The following LIMA1 variants were observed in gnomAD, a reference collection of about 807,000 sequenced individuals.
The protein encoded by LIMA1 is LIM domain and actin-binding protein 1.
In LIMA1, 52 loss-of-function variants were observed where a neutral mutation model predicts 62.6. The ratio of observed to expected loss-of-function variants is 0.83; its 90% CI spans 0.67 to 1.05. LIMA1 has a LOEUF of 1.05. Among genes scored for constraint, LIMA1 ranks in the 50% least tolerant of loss-of-function variants. The probability of loss-of-function intolerance (pLI) is 0.00; values close to 1 mark genes in which losing one functional copy is unlikely to be tolerated. For missense variants in LIMA1, 780 were observed against 902.2 expected (o/e 0.86, Z 1.74); for synonymous variants, 302 against 317.8 (o/e 0.95, Z 0.53).
intron 9 of LIMA1, among the ~76,000 whole-genome samples, chr12:50,183,134 A>G (rs4883482): frequency 0.72 from 108,619 of 151,888 alleles, 40,098 homozygotes; most frequent in East Asian, 0.92. Flanking sequence ...CCCGGGAGGC[A>G]GAGCTTGTAG....
At chr12:50,277,133 C>T (rs1260934081) in intron 1 of LIMA1, among the ~76,000 whole-genome samples, 1 of 152,102 alleles carries the variant, frequency 6.6e-6, no homozygotes, top group Admixed American at 6.6e-5. Flanking sequence ...CACAGGTCAG[C>T]AGGGCTTCTG....
At chr12:50,207,442 TTTA>T (rs1298640592) in intron 4 of LIMA1, among the ~76,000 whole-genome samples, 1 of 152,198 alleles carries the variant, frequency 6.6e-6, no homozygotes, top group African/African-American at 2.4e-5. Flanking sequence ...CAAATCTCAG[TTTA>T]TTTCCAGACA....
chr12:50,186,185 A>G (rs1299215340), intron 9 of LIMA1: 1 of 152,214 alleles, frequency 6.6e-6, no homozygotes, highest in Admixed American at 6.5e-5. Context: ...TGGCATGCTC[A>G]GACTTGGCAC....
At chr12:50,197,252 G>A (rs1940949968) in intron 7 of LIMA1, among the ~76,000 whole-genome samples, 1 of 151,926 alleles carries the variant, frequency 6.6e-6, no homozygotes, top group African/African-American at 2.4e-5. Context: ...TGTATTTTTA[G>A]TAGAGCAGGG....
At position 50,177,677 on chromosome 12, in the gene LIMA1, CA is replaced by C. The variant is rs760930378; in HGVS notation, c.1666del (p.Trp556GlyfsTer18). The C allele has an allele frequency of 1.2e-6, 2 of 1,609,454 alleles. No individual in the cohort carries two copies. The highest frequency in any genetic ancestry group is 4.5e-5 in the East Asian group (2 of 44,868). On this transcript the variant is annotated frameshift_variant, in exon 11 of 11. Transcript: ENST00000341247. LOFTEE classifies it low-confidence loss of function (END_TRUNC). Reference sequence around the variant, plus strand: ...CTTGCTGATTTCGTCTTCAGGAGGCCATTTGGGCTTTGACATTTTGATCCCT... The same window carrying C: ...CTTGCTGATTTCGTCTTCAGGAGGCCTTTGGGCTTTGACATTTTGATCCCT... ...EEGIKMSKPK[W>X]PPEDEISKPE...
intron 1 of LIMA1, among the ~76,000 whole-genome samples, chr12:50,280,448 G>A (rs1255367632): frequency 1.3e-5 from 2 of 151,898 alleles, no homozygotes; most frequent in African/African-American, 2.4e-5. Context: ...GTGAGCCACC[G>A]CGCCCGGCCC....
chr12:50,204,567 G>C lies in LIMA1; in HGVS notation c.849C>G (p.Ser283Arg). 2 of 1,614,044 alleles carry C rather than the reference G, an allele frequency of 1.2e-6. No individual in the cohort carries two copies. Among genetic ancestry groups the C allele is most frequent in the Non-Finnish European group, 1.7e-6 (2 of 1,180,004 alleles). The change falls in exon 6 of 11, where the codon AGC (serine) becomes AGG (arginine). Residue 283 changes from serine to arginine, a missense_variant. By Grantham distance (110) the Ser-to-Arg change is moderately radical. Transcript: ENST00000341247. Reference protein sequence around the residue: ...KYQAAVSKQSSSTNYTNELKA... With the variant: ...KYQAAVSKQSRSTNYTNELKA... ...GAACACATACTGTATAGTTGGTTGA[G>C]CTGCTTTGTTTGGACACAGCTGCCT...
In LIMA1 at chr12:50,222,479, C is replaced by T. The variant is rs563329332; in HGVS notation, c.172G>A (p.Glu58Lys). The T allele has an allele frequency of 4.6e-5, 75 of 1,613,748 alleles. 1 individual carries two copies. Among genetic ancestry groups the T allele is most frequent in the South Asian group, 1.9e-4 (17 of 91,058 alleles). ...TNMEKKRSNT[E>K]NLSQHFRKGT... is the part of the protein sequence containing the mutation. ...TTTCTAAAGTGCTGGGAGAGATTTT[C>T]GGTGTTCTAGAAGAACAAGAAGTAG... is the stretch of plus-strand genomic sequence containing the variant. Residue 58 changes from glutamate to lysine, a missense_variant, in exon 4 of 11, where the codon GAA becomes AAA. By Grantham distance (56) the Glu-to-Lys change is moderately conservative. Coordinates refer to ENST00000341247, the MANE Select transcript of LIMA1 (RefSeq NM_016357.5).
At chr12:50,187,220 A>G (rs1202918875) in intron 9 of LIMA1, 1 of 151,992 alleles carries the variant, frequency 6.6e-6, no homozygotes, top group East Asian at 1.9e-4. Context: ...TATATTTTTT[A>G]CTCTAATAAA....
At chr12:50,185,620 G>A (rs1182869059) in intron 9 of LIMA1, 4 of 389,042 alleles carry the variant, frequency 1.0e-5, no homozygotes, top group South Asian at 3.9e-5. Context: ...AGCCTCACTC[G>A]TATCTACCTG....
In LIMA1 at chr12:50,178,966, A is replaced by ATATTTTTT. The variant is rs56674261; in HGVS notation, c.1275-898_1275-897insAAAAAATA. Among the ~76,000 whole-genome samples, 403 of 128,942 alleles carry ATATTTTTT rather than the reference A, an allele frequency of 3.1e-3. 4 individuals carry two copies. The highest frequency in any genetic ancestry group is 7.6e-3 in the Admixed American group (99 of 13,094). 84.6% of individuals were successfully genotyped at this position (128,942 alleles called of 152,430 possible). On this transcript the variant is annotated intron_variant, in intron 10 of 10. Transcript: ENST00000341247. ...TATATAAATACATATATATATATATATTTTTTTTTTCTTTTTCTTTTCTTT... is the reference window on the plus strand; with the variant it reads ...TATATAAATACATATATATATATATATATTTTTTTTTTTTTTTTCTTTTTCTTTTCTTT...
intron 8 of LIMA1, among the ~76,000 whole-genome samples, chr12:50,193,461 C>T (rs1163550359): frequency 7.3e-6 from 1 of 137,326 alleles, no homozygotes; most frequent in Non-Finnish European, 1.5e-5. Flanking sequence ...TGTCTTGTGA[C>T]CTACAAGAAA....
intron 1 of LIMA1, among the ~76,000 whole-genome samples, chr12:50,252,612 G>C (rs1941945381): frequency 6.6e-6 from 1 of 151,138 alleles, no homozygotes; most frequent in African/African-American, 2.4e-5. Flanking sequence ...AGACATAATG[G>C]GGCCTGACTG....
At position 50,242,117 on chromosome 12, in the gene LIMA1, A is replaced by G. The variant is rs182741400; in HGVS notation, c.119+6516T>C. On this transcript the variant is annotated intron_variant, in intron 2 of 10. Coordinates refer to ENST00000341247, the MANE Select transcript of LIMA1 (RefSeq NM_016357.5). ...GTCTCAAATTTTTCTAGGGCCAGAA[A>G]ACAGAGTTCCTGAGCCATGACTCTT... Among the ~76,000 whole-genome samples, 19 of 151,746 alleles carry G rather than the reference A, an allele frequency of 1.3e-4. No homozygotes were observed. The East Asian group carries it at 3.3e-3, about 26-fold the overall frequency.
intron 6 of LIMA1, among the ~76,000 whole-genome samples, chr12:50,203,009 T>C (rs1941082346): frequency 1.8e-5 from 1 of 56,816 alleles, no homozygotes; most frequent in African/African-American, 9.9e-5. Flanking sequence ...GGTAACTTCC[T>C]TTTTTTTTTT....
chr12:50,210,418 CAAAAAAAAAA>C (rs769288381), intron 4 of LIMA1, among the ~76,000 whole-genome samples: 1 of 90,858 alleles, frequency 1.1e-5, no homozygotes, highest in African/African-American at 3.9e-5. Flanking sequence ...ACCCCATTTC[CAAAAAAAAAA>C]AAAAAAAGAA....
chr12:50,192,790 TG>T (rs1423256496), intron 8 of LIMA1, among the ~76,000 whole-genome samples: 3 of 152,220 alleles, frequency 2.0e-5, no homozygotes, highest in African/African-American at 7.2e-5. Flanking sequence ...TCTTACCCTC[TG>T]CCACACGTAG....
At chr12:50,195,911 A>AG in intron 7 of LIMA1, 24 bp from the exon 8 acceptor site, 1 of 1,554,872 alleles carries the variant, frequency 6.4e-7, no homozygotes, top group Non-Finnish European at 8.6e-7. Context: ...AAAAAAAAAA[A>AG]AGTTAGAGGG....
At chr12:50,265,918 C>T (rs2138683907) in intron 1 of LIMA1, among the ~76,000 whole-genome samples, 1 of 152,204 alleles carries the variant, frequency 6.6e-6, no homozygotes, top group South Asian at 2.1e-4. Flanking sequence ...CTTCCTTATC[C>T]TCCTCCTTCC....
Sources: allele counts gnomAD v4.1 joint callset (sites outside exome capture counted in the v4.1 genomes callset), GRCh38; gene constraint gnomAD v4.1.1; transcripts MANE v1.5; gene names NCBI Gene and HGNC (gene_info 2026-07-23, HGNC 2026-07-21).